The following FAM219A variants were observed in gnomAD, a reference collection of about 807,000 sequenced individuals.
The protein encoded by FAM219A is family with sequence similarity 219 member A, also known as protein FAM219A.
FAM219A carries 7 observed loss-of-function variants against 23.4 expected under a neutral mutation model. That is an observed-to-expected ratio of 0.30 (90% CI 0.17 to 0.56). FAM219A has a LOEUF of 0.56. Ranked by LOEUF, FAM219A falls within the 20% of genes least tolerant of loss-of-function variation. The probability of loss-of-function intolerance (pLI) is 0.92; values close to 1 mark genes in which losing one functional copy is unlikely to be tolerated. For missense variants in FAM219A, 166 were observed against 246.9 expected, an observed-to-expected ratio of 0.67 and a Z score of 2.20; for synonymous variants, 93 against 99.0, an observed-to-expected ratio of 0.94 and a Z score of 0.36.
chr9:34,406,507 A>C lies in FAM219A; in HGVS notation c.61-543T>G, dbSNP rs541408761. 4.2e-5 allele frequency: 41 copies of C among 985,190 alleles called. No homozygotes were observed. In the African/African-American group the frequency reaches 6.3e-4, roughly 15 times the overall value. The allele number at this position is 985,190 out of a possible 1,614,324, so 61.0% of individuals were successfully genotyped here. On this transcript the variant is annotated intron_variant, in intron 1 of 5. Coordinates refer to ENST00000651358, the MANE Select transcript of FAM219A (RefSeq NM_001184940.2). ...AAGGCTACAGCCACTGGACAAAAAA[A>C]TAGTTCTAATGAGGACTTCTCCAGT...
intron 1 of FAM219A, among the ~76,000 whole-genome samples, chr9:34,443,979 GTCTCCCTCCCTGACTCCACATAAT>G (rs1823279229): frequency 6.6e-6 from 1 of 152,058 alleles, no homozygotes. Context: ...CCTCAACTTG[GTCTCCCTCCCTGACTCCACATAAT>G]TCTCCCTCCC....
intron 2 of FAM219A, among the ~76,000 whole-genome samples, chr9:34,404,980 G>C (rs1389215294): frequency 6.6e-6 from 1 of 152,236 alleles, no homozygotes; most frequent in African/African-American, 2.4e-5. Flanking sequence ...GACTGAGGAG[G>C]CATCAGTAAT....
In FAM219A at chr9:34,400,833, T is replaced by C. The variant is rs918748185; in HGVS notation, c.*131A>G. ...TCCTACCATAGGAGGAAGCAATGAC[T>C]GTTATACGAGGTTGGCGGCTGTAGG... On this transcript the variant is annotated 3_prime_UTR_variant, in exon 6 of 6. Transcript: ENST00000651358. 1.1e-5 allele frequency: 10 copies of C among 913,874 alleles called. No homozygotes were observed. In the African/African-American group the frequency reaches 1.6e-4, roughly 14 times the overall value. 56.6% of individuals were successfully genotyped at this position (913,874 alleles called of 1,614,324 possible).
intron 1 of FAM219A, among the ~76,000 whole-genome samples, chr9:34,416,382 T>G (rs750949699): frequency 6.6e-6 from 1 of 151,978 alleles, no homozygotes; most frequent in Non-Finnish European, 1.5e-5. Flanking sequence ...CTGTTCTCTT[T>G]CTTAGCTTCA....
At chr9:34,410,523 G>C (rs1175653749) in intron 1 of FAM219A, among the ~76,000 whole-genome samples, 1 of 152,162 alleles carries the variant, frequency 6.6e-6, no homozygotes, top group Non-Finnish European at 1.5e-5. Flanking sequence ...AATAAAACTT[G>C]TAGAGGGTCT....
rs557095943 is a variant in FAM219A at position 34,439,718 on chromosome 9, G to C, written c.60+18486C>G. 3.3e-5 allele frequency among the ~76,000 whole-genome samples: 5 copies of C among 152,234 alleles called. No homozygotes were observed. In the East Asian group the frequency reaches 7.7e-4, roughly 24 times the overall value. On this transcript the variant is annotated intron_variant, in intron 1 of 5. Coordinates refer to ENST00000651358, the MANE Select transcript of FAM219A (RefSeq NM_001184940.2). ...AAGCAGAAGGGAGCCTGGGACATTA[G>C]AGAAGTGGAGGAAAAGCCAGTGATG...
intron 1 of FAM219A, among the ~76,000 whole-genome samples, chr9:34,414,426 T>G (rs551153138): frequency 6.6e-6 from 1 of 152,258 alleles, no homozygotes; most frequent in Non-Finnish European, 1.5e-5. Context: ...TGGGACATAT[T>G]AAGATCCTTA....
chr9:34,454,181 T>C (rs1279642806), intron 1 of FAM219A, among the ~76,000 whole-genome samples: 1 of 152,184 alleles, frequency 6.6e-6, no homozygotes, highest in East Asian at 1.9e-4. Context: ...CTCACGCCTG[T>C]AATCCCAGCA....
chr9:34,454,118 C>T (rs1454987094), intron 1 of FAM219A, among the ~76,000 whole-genome samples: 2 of 152,194 alleles, frequency 1.3e-5, no homozygotes, highest in Non-Finnish European at 2.9e-5. Flanking sequence ...GGATAGGTCT[C>T]TAAGAGGAGC....
At position 34,405,862 on chromosome 9, in the gene FAM219A, C is replaced by T; in HGVS notation, c.160+3G>A. ...ATCTCCCTCACCCCCCAGACACACT[C>T]ACCCAGCTTCACTTGGAGCGGGGAT... On this transcript the variant is annotated splice_donor_region_variant and intron_variant, in intron 2 of 5. Transcript: ENST00000651358. 1 of 1,613,768 alleles carries T rather than the reference C, an allele frequency of 6.2e-7. No homozygotes were observed. The highest frequency in any genetic ancestry group is 1.1e-5 in the South Asian group (1 of 91,050).
chr9:34,420,879 C>T (rs921521225), intron 1 of FAM219A, among the ~76,000 whole-genome samples: 2 of 152,002 alleles, frequency 1.3e-5, no homozygotes, highest in Admixed American at 6.6e-5. Flanking sequence ...ACTTGGGAAC[C>T]TGAGGCAGGA....
intron 1 of FAM219A, among the ~76,000 whole-genome samples, chr9:34,432,245 G>C (rs1373135943): frequency 6.6e-6 from 1 of 152,188 alleles, no homozygotes; most frequent in Non-Finnish European, 1.5e-5. Flanking sequence ...ATGTCAGTCA[G>C]TCCATTTGCC....
chr9:34,413,089 G>A (rs1318791987), intron 1 of FAM219A, among the ~76,000 whole-genome samples: 3 of 152,192 alleles, frequency 2.0e-5, no homozygotes, highest in East Asian at 3.9e-4. Flanking sequence ...GGTCTTTGAG[G>A]AATCATGAGC....
At position 34,457,235 on chromosome 9, in the gene FAM219A, G is replaced by A. The variant is rs1823770478; in HGVS notation, c.60+969C>T. Among the ~76,000 whole-genome samples the A allele has an allele frequency of 6.6e-6, 1 of 152,194 alleles. No individual in the cohort carries two copies. The highest frequency in any genetic ancestry group is 1.5e-5 in the Non-Finnish European group (1 of 68,036). ...CCTCTCTTCCCCCCTCACTATACGA[G>A]CTGGCTAGGCCTCCACGTCTCCCAC... On this transcript the variant is annotated intron_variant, in intron 1 of 5. Coordinates refer to ENST00000651358, the MANE Select transcript of FAM219A (RefSeq NM_001184940.2). This position sits in a 1 kb window ranked among gnomAD's most constrained non-coding sequence, Gnocchi z 5.1.
At position 34,405,917 on chromosome 9, in the gene FAM219A, C is replaced by T. The variant is rs773437762; in HGVS notation, c.108G>A (p.Glu36=). 1.2e-6 allele frequency: 2 copies of T among 1,613,734 alleles called. No individual in the cohort carries two copies. Among genetic ancestry groups the T allele is most frequent in the South Asian group, 1.1e-5 (1 of 91,044 alleles). The change falls in exon 2 of 6, where the codon GAG becomes GAA. Residue 36 remains glutamate, a synonymous_variant. Coordinates refer to ENST00000651358, the MANE Select transcript of FAM219A (RefSeq NM_001184940.2). ...SISDGDCDAR[E]GESVAMNYKP... ...TGTAATTCATGGCTACTGACTCACCCTCCCGGGCGTCACAGTCTCCGTCAG... is the reference window on the plus strand; with the variant it reads ...TGTAATTCATGGCTACTGACTCACCTTCCCGGGCGTCACAGTCTCCGTCAG...
At chr9:34,401,369 A>G (rs1301785027) in intron 5 of FAM219A, among the ~76,000 whole-genome samples, 2 of 152,084 alleles carry the variant, frequency 1.3e-5, no homozygotes, top group African/African-American at 2.4e-5. Flanking sequence ...TCCTGCTCCT[A>G]TTCGGGTTTT....
intron 1 of FAM219A, among the ~76,000 whole-genome samples, chr9:34,456,887 A>G (rs1320948125): frequency 6.6e-6 from 1 of 152,114 alleles, no homozygotes; most frequent in Non-Finnish European, 1.5e-5. Context: ...TCTCTCTACC[A>G]TCCCTCAAAA....
In FAM219A at chr9:34,398,847, G is replaced by A; in HGVS notation, c.*2117C>T. The A allele has an allele frequency of 5.7e-6, 1 of 176,312 alleles. No homozygotes were observed. Among genetic ancestry groups the A allele is most frequent in the Non-Finnish European group, 1.2e-5 (1 of 81,214 alleles). 10.9% of individuals were successfully genotyped at this position (176,312 alleles called of 1,614,324 possible). Reference sequence around the variant, plus strand: ...GAGAGGTGGGTTCAGATGGGGGCCAGTATGGGCCTTGTGGGTCCTGCAGGT... The same window carrying A: ...GAGAGGTGGGTTCAGATGGGGGCCAATATGGGCCTTGTGGGTCCTGCAGGT... On this transcript the variant is annotated 3_prime_UTR_variant, in exon 6 of 6. Transcript: ENST00000651358.
chr9:34,410,585 AG>A (rs1255597099), intron 1 of FAM219A, among the ~76,000 whole-genome samples: 2 of 152,332 alleles, frequency 1.3e-5, no homozygotes, highest in Non-Finnish European at 1.5e-5. Context: ...GATTCTCATA[AG>A]TACCCAGTAG....
Sources: allele counts gnomAD v4.1 joint callset (sites outside exome capture counted in the v4.1 genomes callset), GRCh38; gene constraint gnomAD v4.1.1; non-coding constraint Gnocchi (gnomAD v3.1); transcripts MANE v1.5; gene names NCBI Gene and HGNC (gene_info 2026-07-23, HGNC 2026-07-21).